Variants in CNTN4 observed in about 807,000 individuals in gnomAD.
CNTN4 encodes the protein contactin-4.
A neutral mutation model predicts 122.5 loss-of-function variants in CNTN4; 77 were observed. The observed-to-expected ratio is 0.63, with a 90% confidence interval of 0.52 to 0.76. The LOEUF (loss-of-function observed/expected upper bound fraction) is 0.76, where lower values mean the gene tolerates loss of function less well. Among genes scored for constraint, CNTN4 ranks in the 30% least tolerant of loss-of-function variants. The pLI is 0.00. For missense variants in CNTN4, 1,256 were observed against 1,259.1 expected, an observed-to-expected ratio of 1.00 and a Z score of 0.04; for synonymous variants, 512 against 447.0, an observed-to-expected ratio of 1.15 and a Z score of -1.83.
rs1402750928 is a variant in CNTN4 at position 3,040,079 on chromosome 3, G to T, written c.2206G>T (p.Val736Leu). The change falls in exon 20 of 25, where the codon GTG becomes TTG. Residue 736 changes from valine (V) to leucine (L), a missense_variant. Val to Leu is a conservative substitution (Grantham distance 32). Transcript: ENST00000418658. ...ELQNGRGFGYVVAFRPYGKMI... is the reference protein window; with the variant it reads ...ELQNGRGFGYLVAFRPYGKMI... ...ACAGAATGGTCGAGGCTTTGGTTAT[G>T]TGGTGGCCTTCCGGCCCTACGGTAA... 1 of 1,614,084 alleles carries T rather than the reference G, an allele frequency of 6.2e-7. No homozygotes were observed. The highest frequency in any genetic ancestry group is 8.5e-7 in the Non-Finnish European group (1 of 1,179,998).
intron 3 of CNTN4, among the ~76,000 whole-genome samples, chr3:2,391,603 T>A (rs957814459): frequency 6.6e-6 from 1 of 152,136 alleles, no homozygotes; most frequent in Admixed American, 6.6e-5. Flanking sequence ...TGTTGGGAAG[T>A]ATAATAAATA....
chr3:2,326,056 T>C (rs1379637564), intron 2 of CNTN4, among the ~76,000 whole-genome samples: 1 of 152,208 alleles, frequency 6.6e-6, no homozygotes, highest in African/African-American at 2.4e-5. Context: ...GATCACATTA[T>C]TAGTCTGGGT....
chr3:2,117,149 C>T (rs910757663), intron 2 of CNTN4, among the ~76,000 whole-genome samples: 1 of 152,182 alleles, frequency 6.6e-6, no homozygotes, highest in African/African-American at 2.4e-5. Flanking sequence ...CTCTGGTTGC[C>T]TGTTTTAATG....
Position 2,244,566 on chromosome 3 carries a change from G to T in CNTN4, c.-144-94612G>T, listed in dbSNP as rs190991961. Among the ~76,000 whole-genome samples the T allele has an allele frequency of 2.1e-3, 325 of 152,034 alleles. 2 individuals are homozygous for T. The highest frequency in any genetic ancestry group is 3.2e-3 in the Non-Finnish European group (215 of 67,936). ...TGAAATGATATTTTGAGTATATTAGGTTACATAAAATATATTATTAAACTT... is the reference window on the plus strand; with the variant it reads ...TGAAATGATATTTTGAGTATATTAGTTTACATAAAATATATTATTAAACTT... On this transcript the variant is annotated intron_variant, in intron 2 of 24. Coordinates refer to ENST00000418658, the MANE Select transcript of CNTN4 (RefSeq NM_175607.3).
intron 3 of CNTN4, among the ~76,000 whole-genome samples, chr3:2,341,783 T>G (rs1447328491): frequency 6.6e-6 from 1 of 152,224 alleles, no homozygotes; most frequent in Non-Finnish European, 1.5e-5. Flanking sequence ...ACTTAAAAAT[T>G]TGGAGATTTT....
chr3:2,705,120 T>A (rs1381763670), intron 4 of CNTN4, among the ~76,000 whole-genome samples: 3 of 151,626 alleles, frequency 2.0e-5, no homozygotes, highest in Non-Finnish European at 4.4e-5. Flanking sequence ...AATTCTCAGC[T>A]GGCTTTGGGA....
Position 2,604,617 on chromosome 3 carries a change from A to T in CNTN4, c.55+33059A>T, listed in dbSNP as rs1204143929. Among the ~76,000 whole-genome samples the T allele has an allele frequency of 2.6e-5, 4 of 152,214 alleles. No individual in the cohort carries two copies. In the East Asian group the frequency reaches 7.7e-4, roughly 29 times the overall value. The stretch of plus-strand genomic sequence containing the variant: ...AATATCAGTAGGTGAAGGTTTCTAG[A>T]TGATAGAAGAGGAAATGCAGAGCCC... On this transcript the variant is annotated intron_variant, in intron 4 of 24. Transcript: ENST00000418658.
At chr3:2,338,455 A>G (rs1024084330) in intron 2 of CNTN4, among the ~76,000 whole-genome samples, 8 of 151,964 alleles carry the variant, frequency 5.3e-5, no homozygotes, top group African/African-American at 1.9e-4. Flanking sequence ...ATATCTACAT[A>G]AAATTTTATT....
At chr3:2,207,238 G>C (rs1193405039) in intron 2 of CNTN4, among the ~76,000 whole-genome samples, 1 of 151,954 alleles carries the variant, frequency 6.6e-6, no homozygotes, top group Non-Finnish European at 1.5e-5. Flanking sequence ...TTGAAATTAG[G>C]CCGATTAATA....
chr3:3,042,348 C>G lies in CNTN4; in HGVS notation c.2437C>G (p.Leu813Val). 3.1e-6 allele frequency: 5 copies of G among 1,614,144 alleles called. No homozygotes were observed. Among genetic ancestry groups the G allele is most frequent in the Non-Finnish European group, 4.2e-6 (5 of 1,179,992 alleles). ...KPPASIFARSLSATDIEVFWA... is the reference protein window; with the variant it reads ...KPPASIFARSVSATDIEVFWA... ...ACCAGCCAGTATCTTTGCCAGAAGT[C>G]TTTCTGCCACAGATATTGAAGTTTT... Residue 813 changes from leucine (L) to valine (V), a missense_variant, in exon 21 of 25, where the codon CTT (leucine) becomes GTT (valine). Leu to Val is a conservative substitution (Grantham distance 32, BLOSUM62 1). Transcript: ENST00000418658.
At chr3:2,975,193 A>AG (rs34991877) in intron 13 of CNTN4, among the ~76,000 whole-genome samples, 2 of 152,152 alleles carry the variant, frequency 1.3e-5, no homozygotes, top group African/African-American at 2.4e-5. Context: ...GAAAGCAAAC[A>AG]GAAAAAAAAA....
intron 3 of CNTN4, among the ~76,000 whole-genome samples, chr3:2,464,408 T>C (rs570345636): frequency 5.9e-5 from 9 of 152,322 alleles, no homozygotes; most frequent in African/African-American, 1.9e-4. Flanking sequence ...TCCCTCTACC[T>C]GAACCATTGC....
chr3:2,923,115 G>T (rs1223425348), intron 12 of CNTN4, among the ~76,000 whole-genome samples: 1 of 152,174 alleles, frequency 6.6e-6, no homozygotes, highest in African/African-American at 2.4e-5. Flanking sequence ...ATATGCCCAT[G>T]TGTTGTGCAC....
At chr3:2,893,027 C>A (rs2094061947) in intron 10 of CNTN4, among the ~76,000 whole-genome samples, 2 of 152,178 alleles carry the variant, frequency 1.3e-5, no homozygotes, top group Admixed American at 6.5e-5. Context: ...CATCCGGATA[C>A]TCTTTCTTGC....
intron 5 of CNTN4, among the ~76,000 whole-genome samples, chr3:2,743,293 G>T (rs1310911683): frequency 6.6e-6 from 1 of 152,092 alleles, no homozygotes. Context: ...AGGGCAGACA[G>T]TCAGTTCTAG....
chr3:2,656,456 A>G (rs370034104), intron 4 of CNTN4, among the ~76,000 whole-genome samples: 1 of 152,200 alleles, frequency 6.6e-6, no homozygotes, highest in Non-Finnish European at 1.5e-5. Flanking sequence ...ATTTGTTTTT[A>G]TGACTGATTG....
chr3:2,533,190 T>C (rs1233882538), intron 3 of CNTN4, among the ~76,000 whole-genome samples: 3 of 151,920 alleles, frequency 2.0e-5, no homozygotes, highest in African/African-American at 7.3e-5. Flanking sequence ...ACAGGCAGGT[T>C]TGTTTCATAT....
intron 2 of CNTN4, among the ~76,000 whole-genome samples, chr3:2,123,812 G>A (rs1025992528): frequency 8.5e-5 from 13 of 152,192 alleles, no homozygotes; most frequent in Admixed American, 8.5e-4. Context: ...TGTTTGGGAT[G>A]ACCAGGCAGC....
At chr3:2,305,252 C>T (rs2042663781) in intron 2 of CNTN4, among the ~76,000 whole-genome samples, 1 of 152,102 alleles carries the variant, frequency 6.6e-6, no homozygotes, top group Non-Finnish European at 1.5e-5. Flanking sequence ...GCTTTCTTAC[C>T]TATTAGAGAA....
Sources: allele counts gnomAD v4.1 joint callset (sites outside exome capture counted in the v4.1 genomes callset), GRCh38; gene constraint gnomAD v4.1.1; transcripts MANE v1.5; gene names NCBI Gene and HGNC (gene_info 2026-07-23, HGNC 2026-07-21).